The following ZNF536 variants were observed in gnomAD, a reference collection of about 807,000 sequenced individuals.
ZNF536 encodes the protein zinc finger protein 536.
Under a neutral mutation model 84.5 loss-of-function variants are expected in ZNF536, and 13 were observed. The observed-to-expected ratio is 0.15, with a 90% CI of 0.10 to 0.24. ZNF536 has a LOEUF of 0.24. Ranked by LOEUF, ZNF536 falls within the 10% of genes least tolerant of loss-of-function variation. The pLI is 1.00. For synonymous variants in ZNF536, 811 were observed against 742.5 expected (o/e 1.09, Z -1.50); for missense variants, 1,536 against 1,747.5 (o/e 0.88, Z 2.16).
At chr19:30,309,340 G>A (rs1319767198) in intron 2 of ZNF536, among the ~76,000 whole-genome samples, 1 of 152,170 alleles carries the variant, frequency 6.6e-6, no homozygotes, top group Non-Finnish European at 1.5e-5. Flanking sequence ...GGGCCAGTGT[G>A]GACTCGCTTC....
At chr19:30,425,050 A>G (rs1402086537) in intron 1 of ZNF536, among the ~76,000 whole-genome samples, 1 of 152,202 alleles carries the variant, frequency 6.6e-6, no homozygotes, top group African/African-American at 2.4e-5. Context: ...GTGAGGACAC[A>G]AAGGCATAAG....
intron 2 of ZNF536, among the ~76,000 whole-genome samples, chr19:30,289,205 C>T (rs1321952286): frequency 6.6e-6 from 1 of 152,114 alleles, no homozygotes; most frequent in African/African-American, 2.4e-5. Flanking sequence ...TGTGGTTTTT[C>T]TCCTCCACCC....
chr19:30,600,148 A>G (rs1282604685), intron 1 of ZNF536, among the ~76,000 whole-genome samples: 1 of 151,494 alleles, frequency 6.6e-6, no homozygotes, highest in African/African-American at 2.4e-5. Context: ...GCTGGACTGC[A>G]TTGGCTTGAT....
At chr19:30,516,217 G>A (rs889788089) in intron 2 of ZNF536, among the ~76,000 whole-genome samples, 1 of 152,020 alleles carries the variant, frequency 6.6e-6, no homozygotes, top group African/African-American at 2.4e-5. Context: ...GAGAGAACTA[G>A]GTACCTCACC....
rs369983648 is a variant in ZNF536, at chr19:30,319,365, GT to G, written c.-119-32993del. Among the ~76,000 whole-genome samples, 510 of 147,740 alleles carry G rather than the reference GT, an allele frequency of 3.5e-3. 2 individuals are homozygous for G. The highest frequency in any genetic ancestry group is 8.7e-3 in the African/African-American group (353 of 40,354). ...TTTAGTCGTAAAGGCTCAGACTGATGTTTTTTTTTTGCGAAATAGTTCTAGT... is the reference window on the plus strand; with the variant it reads ...TTTAGTCGTAAAGGCTCAGACTGATGTTTTTTTTTGCGAAATAGTTCTAGT... On this transcript the variant is annotated intron_variant, in intron 2 of 5. Coordinates refer to the ZNF536 transcript ENST00000585628.
intron 1 of ZNF536, among the ~76,000 whole-genome samples, chr19:30,243,808 A>G (rs2024096634): frequency 6.6e-6 from 1 of 152,218 alleles, no homozygotes; most frequent in Admixed American, 6.5e-5. Context: ...AATGCTTTGC[A>G]AGTTATTTTT....
intron 2 of ZNF536, among the ~76,000 whole-genome samples, chr19:30,474,727 T>A (rs1325833829): frequency 6.6e-6 from 1 of 152,216 alleles, no homozygotes; most frequent in East Asian, 1.9e-4. Context: ...TTTTTATTAA[T>A]CACTATTCTG....
intron 1 of ZNF536, among the ~76,000 whole-genome samples, chr19:30,582,885 C>A (rs149169992): frequency 6.6e-6 from 1 of 152,140 alleles, no homozygotes; most frequent in African/African-American, 2.4e-5. Context: ...TCCCACAACA[C>A]GTGGGAATTA....
intron 1 of ZNF536, among the ~76,000 whole-genome samples, chr19:30,621,942 G>A (rs933329109): frequency 6.6e-6 from 1 of 152,218 alleles, no homozygotes; most frequent in Non-Finnish European, 1.5e-5. Flanking sequence ...CCCAGACAGC[G>A]TGCAGTGCCC....
chr19:30,560,854 C>A (rs376880026), downstream of ZNF536, among the ~76,000 whole-genome samples: 1 of 152,258 alleles, frequency 6.6e-6, no homozygotes, highest in Non-Finnish European at 1.5e-5. Flanking sequence ...ATCCCCAAAT[C>A]GGCAGCAGTG....
chr19:30,581,403 G>A (rs1019585691), intron 1 of ZNF536, among the ~76,000 whole-genome samples: 2 of 152,146 alleles, frequency 1.3e-5, no homozygotes, highest in African/African-American at 4.8e-5. Flanking sequence ...CTTGAACCCG[G>A]GAGGTCGAGG....
chr19:30,294,648 C>T (rs1600109542), intron 2 of ZNF536, among the ~76,000 whole-genome samples: 2 of 151,926 alleles, frequency 1.3e-5, no homozygotes, highest in East Asian at 3.9e-4. Context: ...GATCAGGTCT[C>T]CAGTAACAAG....
chr19:30,290,421 G>A (rs955431695), intron 2 of ZNF536, among the ~76,000 whole-genome samples: 1 of 152,072 alleles, frequency 6.6e-6, no homozygotes, highest in Non-Finnish European at 1.5e-5. Flanking sequence ...GGGACTACAC[G>A]TGCACACCAC....
chr19:30,294,227 G>T lies in ZNF536; in HGVS notation c.-120+10086G>T, dbSNP rs148373422. On this transcript the variant is annotated intron_variant, in intron 2 of 5. Coordinates refer to the ZNF536 transcript ENST00000585628. The stretch of plus-strand genomic sequence containing the variant: ...AGGAGAGGGAGTTTTAGCTGGGGAG[G>T]TAGAGGCACGTGTATTTGCTGAGGT... 6.7e-3 allele frequency among the ~76,000 whole-genome samples: 1,022 copies of T among 152,300 alleles called. 17 individuals are homozygous for T. Among genetic ancestry groups the T allele is most frequent in the African/African-American group, 0.023 (976 of 41,568 alleles).
At chr19:30,463,134 T>C (rs2053230475) in intron 2 of ZNF536, among the ~76,000 whole-genome samples, 1 of 152,166 alleles carries the variant, frequency 6.6e-6, no homozygotes, top group South Asian at 2.1e-4. Context: ...TTTGCCTGTG[T>C]TGGCATGGAT....
chr19:30,396,209 G>T (rs987350018), intron 1 of ZNF536, among the ~76,000 whole-genome samples: 1 of 152,148 alleles, frequency 6.6e-6, no homozygotes, highest in African/African-American at 2.4e-5. Flanking sequence ...TTTAAGCAGA[G>T]GGTTGATTGG....
Position 30,405,411 on chromosome 19 carries a change from A to G in ZNF536, c.-3+32855A>G, listed in dbSNP as rs571591689. Among the ~76,000 whole-genome samples the G allele has an allele frequency of 2.6e-5, 4 of 152,288 alleles. No homozygotes were observed. In the East Asian group the frequency reaches 7.8e-4, roughly 30 times the overall value. ...AGACAAAACCTATGTATATATAATAACACCGCACTGCTACTTCCTGAACTT... is the reference window on the plus strand; with the variant it reads ...AGACAAAACCTATGTATATATAATAGCACCGCACTGCTACTTCCTGAACTT... On this transcript the variant is annotated intron_variant, in intron 1 of 4. Coordinates refer to ENST00000355537, the MANE Select transcript of ZNF536 (RefSeq NM_014717.3).
intron 4 of ZNF536, among the ~76,000 whole-genome samples, chr19:30,553,225 T>C (rs2045847956): frequency 6.6e-6 from 1 of 152,164 alleles, no homozygotes; most frequent in African/African-American, 2.4e-5. Context: ...TTTGCATCCA[T>C]GGACAAAGCA....
intron 2 of ZNF536, among the ~76,000 whole-genome samples, chr19:30,297,229 A>G (rs567829848): frequency 3.3e-5 from 5 of 152,320 alleles, no homozygotes; most frequent in East Asian, 3.9e-4. Flanking sequence ...AACTACTGTG[A>G]TCAGTACCAG....
Sources: allele counts gnomAD v4.1 joint callset (sites outside exome capture counted in the v4.1 genomes callset), GRCh38; gene constraint gnomAD v4.1.1; transcripts MANE v1.5; gene names NCBI Gene and HGNC (gene_info 2026-07-23, HGNC 2026-07-21).